The following LDLRAD4 variants were observed in gnomAD, a reference collection of about 807,000 sequenced individuals.
LDLRAD4 encodes the protein low-density lipoprotein receptor class A domain-containing protein 4.
Under a neutral mutation model 17.0 loss-of-function variants are expected in LDLRAD4, and 5 were observed. That is an observed-to-expected ratio of 0.29 (90% confidence interval 0.15 to 0.62). The LOEUF (loss-of-function observed/expected upper bound fraction) is 0.62. LDLRAD4 is among the 20% of genes least tolerant of loss of function. The probability of loss-of-function intolerance (pLI) is 0.84; values close to 1 mark genes in which losing one functional copy is unlikely to be tolerated. For missense variants in LDLRAD4, 340 were observed against 424.7 expected, an observed-to-expected ratio of 0.80 and a Z score of 1.75; for synonymous variants, 168 against 171.8, an observed-to-expected ratio of 0.98 and a Z score of 0.17.
intron 3 of LDLRAD4, among the ~76,000 whole-genome samples, chr18:13,501,595 T>G (rs78477992): frequency 2.1e-5 from 3 of 144,342 alleles, no homozygotes; most frequent in African/African-American, 7.4e-5. Context: ...TTTTTTTTTT[T>G]GCAGAATCTT....
At chr18:13,343,434 A>G (rs1328272542) in intron 1 of LDLRAD4, among the ~76,000 whole-genome samples, 1 of 152,058 alleles carries the variant, frequency 6.6e-6, no homozygotes, top group African/African-American at 2.4e-5. Flanking sequence ...ATGGCTGCAT[A>G]GTATTCCATG....
chr18:13,314,746 A>C (rs779120681), intron 1 of LDLRAD4, among the ~76,000 whole-genome samples: 2 of 152,236 alleles, frequency 1.3e-5, no homozygotes, highest in Non-Finnish European at 1.5e-5. Context: ...GTAGAGTTTT[A>C]GCTACAAAGG....
chr18:13,320,506 T>C (rs2081161860), intron 1 of LDLRAD4, among the ~76,000 whole-genome samples: 1 of 152,194 alleles, frequency 6.6e-6, no homozygotes, highest in African/African-American at 2.4e-5. Context: ...TAATTCCTTA[T>C]GGAAGAGTGA....
intron 4 of LDLRAD4, among the ~76,000 whole-genome samples, chr18:13,633,833 GGGC>G (rs2041872185): frequency 6.6e-6 from 1 of 152,172 alleles, no homozygotes; most frequent in Non-Finnish European, 1.5e-5. Flanking sequence ...GCACCCAGGA[GGGC>G]AGGGCTCCTG....
At chr18:13,585,197 C>T (rs1409820732) in intron 3 of LDLRAD4, among the ~76,000 whole-genome samples, 4 of 152,266 alleles carry the variant, frequency 2.6e-5, no homozygotes, top group Non-Finnish European at 1.5e-5. Flanking sequence ...CTAGTCAATA[C>T]ATCAGCTTTG....
upstream of LDLRAD4, among the ~76,000 whole-genome samples, chr18:13,274,830 T>G (rs2044763621): frequency 6.6e-6 from 1 of 152,194 alleles, no homozygotes; most frequent in Non-Finnish European, 1.5e-5. Context: ...GAGCTTAAAG[T>G]CTTGATTAAA....
chr18:13,545,986 AG>A (rs2094356154), intron 3 of LDLRAD4, among the ~76,000 whole-genome samples: 1 of 152,162 alleles, frequency 6.6e-6, no homozygotes, highest in Non-Finnish European at 1.5e-5. Flanking sequence ...GTCGGGATGC[AG>A]TGTTCATAAC....
intron 3 of LDLRAD4, among the ~76,000 whole-genome samples, chr18:13,482,228 C>T (rs2093107571): frequency 6.6e-6 from 1 of 152,200 alleles, no homozygotes; most frequent in South Asian, 2.1e-4. Flanking sequence ...ACTCACACCC[C>T]TGGGGACGGT....
At chr18:13,598,993 C>T (rs866944583) in intron 3 of LDLRAD4, among the ~76,000 whole-genome samples, 22 of 152,352 alleles carry the variant, frequency 1.4e-4, no homozygotes, top group Middle Eastern at 3.4e-3. Context: ...ATTAGCCTGC[C>T]ATTCCTCGGA....
chr18:13,525,660 C>T (rs2147735956), intron 3 of LDLRAD4, among the ~76,000 whole-genome samples: 1 of 152,312 alleles, frequency 6.6e-6, no homozygotes, highest in East Asian at 1.9e-4. Context: ...TTGAGGAGGC[C>T]CTGGAAGCAG....
intron 3 of LDLRAD4, among the ~76,000 whole-genome samples, chr18:13,598,809 TGGAGTGG>T (rs2095125357): frequency 6.6e-6 from 1 of 152,240 alleles, no homozygotes; most frequent in Non-Finnish European, 1.5e-5. Flanking sequence ...GCTCCACAGC[TGGAGTGG>T]GGACATTAGC....
rs547545213 is a variant in LDLRAD4 at position 13,306,120 on chromosome 18, A to T, written c.-383+27932A>T. 2.6e-5 allele frequency among the ~76,000 whole-genome samples: 4 copies of T among 152,346 alleles called. No homozygotes were observed. The East Asian group carries it at 7.7e-4, about 29-fold the overall frequency. On this transcript the variant is annotated intron_variant, in intron 1 of 5. Coordinates refer to ENST00000359446, the Ensembl canonical transcript of LDLRAD4. ...GAATATCTGCCTCTATAGGTTTATAAATGCAGATGAAAGTGGTCTATTCTG... is the reference window on the plus strand; with the variant it reads ...GAATATCTGCCTCTATAGGTTTATATATGCAGATGAAAGTGGTCTATTCTG...
intron 3 of LDLRAD4, among the ~76,000 whole-genome samples, chr18:13,596,791 A>G (rs897157867): frequency 6.6e-6 from 1 of 152,164 alleles, no homozygotes; most frequent in African/African-American, 2.4e-5. Context: ...TTGAGTTACC[A>G]TCTGGTACCA....
At chr18:13,566,416 G>A in intron 3 of LDLRAD4, among the ~76,000 whole-genome samples, 1 of 150,308 alleles carries the variant, frequency 6.7e-6, no homozygotes, top group Admixed American at 6.7e-5. Flanking sequence ...AGGCTGGAGT[G>A]CAGTGGCGCA....
intron 2 of LDLRAD4, among the ~76,000 whole-genome samples, chr18:13,405,602 A>AT (rs540287028): frequency 0.097 from 13,083 of 135,046 alleles, 1,248 homozygotes; most frequent in African/African-American, 0.24. Context: ...GGCTAATTAA[A>AT]TTTTTTTTTT....
intron 1 of LDLRAD4, among the ~76,000 whole-genome samples, chr18:13,376,769 A>G (rs1326465289): frequency 2.6e-5 from 4 of 152,150 alleles, no homozygotes; most frequent in Non-Finnish European, 4.4e-5. Flanking sequence ...GGCGGGATAC[A>G]TGGTACCTGT....
intron 3 of LDLRAD4, among the ~76,000 whole-genome samples, chr18:13,475,516 T>G (rs909629864): frequency 1.4e-5 from 2 of 148,020 alleles, no homozygotes. Context: ...CCTCCTAAAG[T>G]GCTGGGATTA....
At chr18:13,429,037 A>C (rs1010587983) in intron 2 of LDLRAD4, among the ~76,000 whole-genome samples, 1 of 152,080 alleles carries the variant, frequency 6.6e-6, no homozygotes, top group African/African-American at 2.4e-5. Context: ...AAGAGAATGG[A>C]GCCAAGGGTG....
chr18:13,495,518 A>G (rs1252503593), intron 3 of LDLRAD4, among the ~76,000 whole-genome samples: 1 of 152,206 alleles, frequency 6.6e-6, no homozygotes, highest in African/African-American at 2.4e-5. Flanking sequence ...AGGAAATACC[A>G]AGGCATATTT....
Sources: allele counts gnomAD v4.1 joint callset (sites outside exome capture counted in the v4.1 genomes callset), GRCh38; gene constraint gnomAD v4.1.1; transcripts MANE v1.5; gene names NCBI Gene and HGNC (gene_info 2026-07-23, HGNC 2026-07-21).